The following PHLDB2 variants were observed in gnomAD, a reference collection of about 807,000 sequenced individuals.
The protein encoded by PHLDB2 is pleckstrin homology like domain family B member 2.
A neutral mutation model predicts 123.6 loss-of-function variants in PHLDB2; 71 were observed. The ratio of observed to expected loss-of-function variants is 0.57; its 90% CI spans 0.47 to 0.70. The LOEUF is 0.70. Ranked by LOEUF, PHLDB2 falls within the 30% of genes least tolerant of loss-of-function variation. The pLI is 0.00. For missense variants in PHLDB2, 1,446 were observed against 1,519.5 expected (o/e 0.95, Z 0.80); for synonymous variants, 547 against 541.6 (o/e 1.01, Z -0.14).
intron 1 of PHLDB2, among the ~76,000 whole-genome samples, chr3:111,751,934 T>A (rs1218785543): frequency 6.6e-6 from 1 of 152,202 alleles, no homozygotes; most frequent in Non-Finnish European, 1.5e-5. Context: ...TCTCAGAGAA[T>A]CTATTCAGAT....
intron 1 of PHLDB2, among the ~76,000 whole-genome samples, chr3:111,734,211 A>G (rs774971641): frequency 6.6e-6 from 1 of 152,218 alleles, no homozygotes; most frequent in Non-Finnish European, 1.5e-5. Context: ...TCTGGCTGGT[A>G]TCCAGAGGAT....
chr3:111,964,187 G>A (rs2071600305), intron 13 of PHLDB2, among the ~76,000 whole-genome samples: 1 of 152,104 alleles, frequency 6.6e-6, no homozygotes, highest in African/African-American at 2.4e-5. Context: ...TTTGTGTAAA[G>A]CAACTGTGGA....
intron 8 of PHLDB2, among the ~76,000 whole-genome samples, chr3:111,944,670 GTT>G (rs5851805): frequency 4.7e-5 from 7 of 150,344 alleles, no homozygotes; most frequent in South Asian, 4.2e-4. Context: ...ATTTTTGTTG[GTT>G]TTTTTTTTGT....
chr3:111,739,901 T>A (rs985339143), intron 1 of PHLDB2, among the ~76,000 whole-genome samples: 2 of 152,112 alleles, frequency 1.3e-5, no homozygotes, highest in Admixed American at 6.6e-5. Flanking sequence ...TCTGCAGAAA[T>A]GAATGGTCCT....
At chr3:111,848,049 C>T (rs181094132) in intron 2 of PHLDB2, among the ~76,000 whole-genome samples, 25 of 152,098 alleles carry the variant, frequency 1.6e-4, no homozygotes, top group Admixed American at 1.5e-3. Context: ...TCTGCTGTGC[C>T]CAAAGGATAC....
At chr3:111,926,389 A>G (rs2068813293) in intron 5 of PHLDB2, among the ~76,000 whole-genome samples, 3 of 152,216 alleles carry the variant, frequency 2.0e-5, no homozygotes, top group Admixed American at 2.0e-4. Context: ...AGTGCAGAAC[A>G]GGTGCCAAGT....
intron 1 of PHLDB2, among the ~76,000 whole-genome samples, chr3:111,815,027 G>A (rs4637259): frequency 0.33 from 49,860 of 151,878 alleles, 8,562 homozygotes; most frequent in East Asian, 0.42. Flanking sequence ...ACGAGAGCTG[G>A]TGGTTTTAAA....
chr3:111,735,171 C>T (rs959479117), intron 1 of PHLDB2, among the ~76,000 whole-genome samples: 1 of 152,196 alleles, frequency 6.6e-6, no homozygotes. Flanking sequence ...TTTACTATCT[C>T]ATCTCAGCAA....
At chr3:111,855,347 C>T (rs1282985), upstream of PHLDB2, among the ~76,000 whole-genome samples, 149,517 of 152,174 alleles carry the variant, frequency 0.98, 73,501 homozygotes, top group Middle Eastern at 1. Flanking sequence ...TGTGATTAAA[C>T]AGAAAACTTT....
chr3:111,928,379 A>C (rs997654342), intron 5 of PHLDB2, among the ~76,000 whole-genome samples: 1 of 152,218 alleles, frequency 6.6e-6, no homozygotes, highest in Non-Finnish European at 1.5e-5. Context: ...TGGGTGGCTA[A>C]GTCAATGGGT....
In PHLDB2 at chr3:111,913,365, C is replaced by G; in HGVS notation, c.1382C>G (p.Thr461Arg). 6.2e-7 allele frequency: 1 copy of G among 1,612,744 alleles called. No homozygotes were observed. The highest frequency in any genetic ancestry group is 2.2e-5 in the East Asian group (1 of 44,888). The change falls in exon 3 of 18, where the codon ACA (threonine) becomes AGA (arginine). Residue 461 changes from threonine (T) to arginine (R), a missense_variant. By Grantham distance (71) the Thr-to-Arg change is moderately conservative. This residue lies in a region of PHLDB2 where 832 missense variants were observed against 831.9 expected (regional missense o/e 1.00). Transcript: ENST00000431670. Reference protein sequence around the residue: ...ETILSLCAEYTKPDSRLSTGT... With the variant: ...ETILSLCAEYRKPDSRLSTGT... ...ATCCTCAGTCTCTGTGCTGAATACA[C>G]AAAGCCTGACAGTCGCTTATCTACT... is the stretch of plus-strand genomic sequence containing the variant.
chr3:111,895,394 G>A (rs1366590602), intron 2 of PHLDB2, among the ~76,000 whole-genome samples: 1 of 152,130 alleles, frequency 6.6e-6, no homozygotes, highest in Non-Finnish European at 1.5e-5. Flanking sequence ...GGCCCTGTAT[G>A]CCCCTGTGTC....
intron 12 of PHLDB2, 145 bp from the exon 13 acceptor site, chr3:111,961,963 T>G (rs747826004): frequency 2.7e-6 from 2 of 744,170 alleles, no homozygotes; most frequent in Non-Finnish European, 4.4e-6. Context: ...GCTCTTTCTT[T>G]GATCTTCTTG....
rs1329034188 is a variant in PHLDB2 at position 111,956,452 on chromosome 3, G to A, written c.2872+2423G>A. 3.3e-5 allele frequency among the ~76,000 whole-genome samples: 5 copies of A among 152,158 alleles called. No homozygotes were observed. In the East Asian group the frequency reaches 5.8e-4, roughly 18 times the overall value. ...CTTAGGCCACATTACTGATGTTCCC[G>A]TTGCAAAATCAAATCTGTCTTTGAT... On this transcript the variant is annotated intron_variant, in intron 12 of 17. Transcript: ENST00000431670.
At chr3:111,914,426 C>T (rs1238915737) in intron 3 of PHLDB2, 1 of 152,048 alleles carries the variant, frequency 6.6e-6, no homozygotes, top group African/African-American at 2.4e-5. Context: ...GACACTTTGA[C>T]TAAGTTTATA....
Position 111,932,289 on chromosome 3 carries a change from T to G in PHLDB2, c.2022T>G (p.Ala674=). 6.4e-7 allele frequency: 1 copy of G among 1,551,420 alleles called. No individual in the cohort carries two copies. The highest frequency in any genetic ancestry group is 1.2e-5 in the South Asian group (1 of 84,032). ...EKTKEKVKLD[A]EREKLERLQE... ...TTCAGGAGAAGGTAAAGCTTGATGC[T>G]GAAAGGGAAAAACTAGAGAGGCTTC... Residue 674 remains alanine, a synonymous_variant, in exon 6 of 18, where the codon GCT becomes GCG. Coordinates refer to ENST00000431670, the MANE Select transcript of PHLDB2 (RefSeq NM_001134438.2).
At chr3:111,945,620 C>T (rs146541004) in intron 9 of PHLDB2, among the ~76,000 whole-genome samples, 51 of 152,006 alleles carry the variant, frequency 3.4e-4, no homozygotes, top group Non-Finnish European at 6.0e-4. Flanking sequence ...TGGGTGGTGA[C>T]ATTGTGGGTT....
At chr3:111,782,775 C>T (rs546276083) in intron 1 of PHLDB2, among the ~76,000 whole-genome samples, 7 of 152,232 alleles carry the variant, frequency 4.6e-5, no homozygotes, top group Admixed American at 1.3e-4. Context: ...CTACTTTTCT[C>T]ATCATTTTGA....
intron 1 of PHLDB2, among the ~76,000 whole-genome samples, chr3:111,839,310 G>C (rs748113213): frequency 1.5e-4 from 23 of 152,158 alleles, no homozygotes; most frequent in Non-Finnish European, 2.4e-4. Flanking sequence ...CAGAGTTTGT[G>C]AATTTAATGT....
Sources: allele counts gnomAD v4.1 joint callset (sites outside exome capture counted in the v4.1 genomes callset), GRCh38; gene constraint gnomAD v4.1.1; regional missense constraint gnomAD v4.1.1; transcripts MANE v1.5; gene names NCBI Gene and HGNC (gene_info 2026-07-23, HGNC 2026-07-21).